The following PAK5 variants were observed in gnomAD, a reference collection of about 807,000 sequenced individuals.
PAK5 encodes the protein serine/threonine-protein kinase PAK 5.
PAK5 carries 16 observed loss-of-function variants against 65.9 expected under a neutral mutation model. That is an observed-to-expected ratio of 0.24 (90% CI 0.16 to 0.37). PAK5 has a LOEUF of 0.37. Ranked by LOEUF, PAK5 falls within the 10% of genes least tolerant of loss-of-function variation. The pLI is 1.00. For missense variants in PAK5, 785 were observed against 903.9 expected (o/e 0.87, Z 1.69); for synonymous variants, 371 against 354.9 (o/e 1.05, Z -0.51).
At chr20:9,828,584 T>C (rs1267437716) in intron 1 of PAK5, among the ~76,000 whole-genome samples, 1 of 152,206 alleles carries the variant, frequency 6.6e-6, no homozygotes, top group Non-Finnish European at 1.5e-5. Flanking sequence ...AACTGTAATG[T>C]AGCTATAAAA....
intron 2 of PAK5, among the ~76,000 whole-genome samples, chr20:9,651,740 A>G (rs1410704206): frequency 6.6e-6 from 1 of 152,122 alleles, no homozygotes; most frequent in African/African-American, 2.4e-5. Context: ...GCCATACTGA[A>G]GACGGGGTGG....
At chr20:9,654,302 A>G (rs559497488) in intron 2 of PAK5, among the ~76,000 whole-genome samples, 65 of 151,820 alleles carry the variant, frequency 4.3e-4, no homozygotes, top group Admixed American at 1.6e-3. Context: ...TGACTCTCTT[A>G]TTTTGTCTTT....
At chr20:9,732,562 T>C (rs551869711) in intron 1 of PAK5, among the ~76,000 whole-genome samples, 3 of 152,318 alleles carry the variant, frequency 2.0e-5, no homozygotes, top group African/African-American at 7.2e-5. Context: ...GTCTTTGTGA[T>C]AAAATAAACT....
intron 3 of PAK5, among the ~76,000 whole-genome samples, chr20:9,641,849 G>GC (rs1447322953): frequency 1.3e-5 from 2 of 152,156 alleles, no homozygotes; most frequent in Non-Finnish European, 2.9e-5. Context: ...GTTCCCCATT[G>GC]CCCGGGGCCA....
intron 1 of PAK5, among the ~76,000 whole-genome samples, chr20:9,721,492 A>T (rs1170117414): frequency 6.6e-6 from 1 of 151,902 alleles, no homozygotes; most frequent in African/African-American, 2.4e-5. Flanking sequence ...TACTAAAAAT[A>T]CAAAAATAAC....
chr20:9,836,913 C>A (rs1189223939), intron 1 of PAK5, among the ~76,000 whole-genome samples: 2 of 152,136 alleles, frequency 1.3e-5, no homozygotes, highest in Admixed American at 1.3e-4. Context: ...ATAATTTTCC[C>A]AGAATCACAA....
At chr20:9,770,187 T>C (rs1490589161) in intron 1 of PAK5, among the ~76,000 whole-genome samples, 2 of 152,110 alleles carry the variant, frequency 1.3e-5, no homozygotes, top group African/African-American at 2.4e-5. Context: ...GAGGAGGGCT[T>C]GGACTCTGCA....
At chr20:9,634,929 T>A (rs2123239322) in intron 3 of PAK5, among the ~76,000 whole-genome samples, 1 of 152,250 alleles carries the variant, frequency 6.6e-6, no homozygotes, top group South Asian at 2.1e-4. Flanking sequence ...TTTGCAAGTA[T>A]AAAAATAATA....
intron 1 of PAK5, among the ~76,000 whole-genome samples, chr20:9,765,697 G>A (rs6118724): frequency 0.4 from 60,027 of 151,838 alleles, 11,974 homozygotes; most frequent in Middle Eastern, 0.46. Flanking sequence ...CCTGCTAAGA[G>A]CTAGTTGTTG....
chr20:9,799,819 T>C (rs890597688), intron 1 of PAK5, among the ~76,000 whole-genome samples: 5 of 151,444 alleles, frequency 3.3e-5, no homozygotes, highest in African/African-American at 9.7e-5. Context: ...TGTGCGCCTA[T>C]AGTCACAGCT....
intron 1 of PAK5, among the ~76,000 whole-genome samples, chr20:9,754,514 T>C (rs1018838179): frequency 6.6e-6 from 1 of 152,082 alleles, no homozygotes; most frequent in Admixed American, 6.6e-5. Context: ...GTCTGAAAAA[T>C]ATCTTGAGCA....
At chr20:9,671,105 A>C (rs1435672446) in intron 2 of PAK5, among the ~76,000 whole-genome samples, 1 of 152,100 alleles carries the variant, frequency 6.6e-6, no homozygotes, top group Non-Finnish European at 1.5e-5. Context: ...ATTATTTCTG[A>C]GGGCTCTGTT....
chr20:9,806,808 C>T (rs1008490837), intron 1 of PAK5, among the ~76,000 whole-genome samples: 1 of 152,154 alleles, frequency 6.6e-6, no homozygotes, highest in Admixed American at 6.5e-5. Flanking sequence ...TAAATCACCA[C>T]AAACTTATGA....
intron 2 of PAK5, among the ~76,000 whole-genome samples, chr20:9,659,319 C>T (rs2047312578): frequency 6.6e-6 from 1 of 152,172 alleles, no homozygotes; most frequent in Non-Finnish European, 1.5e-5. Context: ...CTTAATTTTG[C>T]TTTATTTAGA....
At chr20:9,639,395 G>A (rs988676038) in intron 3 of PAK5, among the ~76,000 whole-genome samples, 1 of 152,104 alleles carries the variant, frequency 6.6e-6, no homozygotes, top group Non-Finnish European at 1.5e-5. Context: ...CTTTATGGGA[G>A]TTTAGTGTTA....
At chr20:9,738,147 CA>C (rs1218480716) in intron 1 of PAK5, among the ~76,000 whole-genome samples, 2 of 150,936 alleles carry the variant, frequency 1.3e-5, no homozygotes, top group East Asian at 3.9e-4. Context: ...GTCTCAAAAA[CA>C]AAAAACAAAC....
At chr20:9,611,571 G>T (rs563909719) in intron 3 of PAK5, among the ~76,000 whole-genome samples, 18 of 152,224 alleles carry the variant, frequency 1.2e-4, no homozygotes, top group African/African-American at 4.1e-4. Flanking sequence ...AAGCCCCAAG[G>T]TCTAGTCACC....
Position 9,818,051 on chromosome 20 carries a change from A to G in PAK5, c.-162+20711T>C, listed in dbSNP as rs551634232. Among the ~76,000 whole-genome samples, 4 of 152,368 alleles carry G rather than the reference A, an allele frequency of 2.6e-5. No individual in the cohort carries two copies. In the East Asian group the frequency reaches 7.7e-4, roughly 29 times the overall value. ...ATTTTTTAAAAAGAAACACAAAAGA[A>G]GAAATGCAAATTCAGAGTAAACACC... On this transcript the variant is annotated intron_variant, in intron 1 of 9. Coordinates refer to ENST00000353224, the MANE Select transcript of PAK5 (RefSeq NM_177990.4).
At chr20:9,603,297 C>T (rs900203498) in intron 3 of PAK5, among the ~76,000 whole-genome samples, 5 of 152,180 alleles carry the variant, frequency 3.3e-5, no homozygotes, top group African/African-American at 1.2e-4. Flanking sequence ...TTGGCAGCAG[C>T]AAGCTTTACC....
Sources: gnomAD v4.1 joint callset for allele counts (sites outside exome capture counted in the v4.1 genomes callset) on GRCh38, gnomAD v4.1.1 for gene constraint, MANE v1.5 for transcripts, NCBI Gene and HGNC (gene_info 2026-07-23, HGNC 2026-07-21) for gene names.